Variants in LRRIQ1 observed in about 807,000 individuals in gnomAD.
The protein encoded by LRRIQ1 is leucine rich repeats and IQ motif containing 1, also known as leucine-rich repeat- and IQ domain-containing protein 1.
Under a neutral mutation model 211.9 loss-of-function variants are expected in LRRIQ1, and 210 were observed. The observed-to-expected ratio is 0.99, with a 90% CI of 0.89 to 1.11. The LOEUF (loss-of-function observed/expected upper bound fraction) is 1.11, where lower values mean the gene tolerates loss of function less well. LRRIQ1 is among the 50% of genes most tolerant of loss of function. LRRIQ1 has a pLI of 0.00. For synonymous variants in LRRIQ1, 699 were observed against 650.1 expected (o/e 1.08, Z -1.14); for missense variants, 2,136 against 1,939.5 (o/e 1.10, Z -1.90).
At chr12:85,180,261 C>G (rs140902750) in intron 24 of LRRIQ1, among the ~76,000 whole-genome samples, 2,746 of 151,936 alleles carry the variant, frequency 0.018, 31 homozygotes, top group Middle Eastern at 0.065. Flanking sequence ...TAACCATTGT[C>G]CCTTCATTTT....
At chr12:85,060,532 G>T (rs1304822647) in intron 8 of LRRIQ1, among the ~76,000 whole-genome samples, 2 of 151,742 alleles carry the variant, frequency 1.3e-5, no homozygotes, top group African/African-American at 4.8e-5. Context: ...TTAACTTTTA[G>T]ATCAAGAAGT....
At chr12:85,250,858 T>G (rs1306704719) in intron 1 of LRRIQ1, among the ~76,000 whole-genome samples, 5 of 109,560 alleles carry the variant, frequency 4.6e-5, no homozygotes, top group Non-Finnish European at 7.0e-5. Flanking sequence ...ATATAATATA[T>G]ATTATAGATT....
At chr12:85,261,161 G>A (rs1896274634) in intron 1 of LRRIQ1, among the ~76,000 whole-genome samples, 1 of 152,078 alleles carries the variant, frequency 6.6e-6, no homozygotes, top group Non-Finnish European at 1.5e-5. Context: ...ACAGACTAGT[G>A]TCTGTAGACA....
intron 15 of LRRIQ1, among the ~76,000 whole-genome samples, chr12:85,112,142 A>T (rs550169762): frequency 6.6e-6 from 1 of 152,044 alleles, no homozygotes; most frequent in African/African-American, 2.4e-5. Context: ...AGATGGAAAG[A>T]TTAAATAAAT....
chr12:85,102,959 A>AATATATATATATATATATATATATAT, intron 13 of LRRIQ1, among the ~76,000 whole-genome samples: 1 of 108,466 alleles, frequency 9.2e-6, no homozygotes, highest in African/African-American at 4.2e-5. Flanking sequence ...AAAAAAAAAA[A>AATATATATATATATATATATATATAT]ATATATATAT....
chr12:85,124,172 A>G lies in LRRIQ1; in HGVS notation c.3660A>G (p.Val1220=). Residue 1220 remains valine (V), a synonymous_variant, in exon 17 of 27, where the codon GTA becomes GTG. Transcript: ENST00000393217. ...EYRHAHERGD[V]TITKKDESEA... is the part of the protein sequence containing the mutation. ...GACATGCACACGAACGAGGGGATGTAACTATCACCAAGAAAGATGAATCAG... is the reference window on the plus strand; with the variant it reads ...GACATGCACACGAACGAGGGGATGTGACTATCACCAAGAAAGATGAATCAG... 5 of 1,614,114 alleles carry G rather than the reference A, an allele frequency of 3.1e-6. No homozygotes were observed. The highest frequency in any genetic ancestry group is 4.2e-6 in the Non-Finnish European group (5 of 1,179,998).
chr12:85,154,896 A>G (rs1297241113), intron 23 of LRRIQ1, among the ~76,000 whole-genome samples: 1 of 151,248 alleles, frequency 6.6e-6, no homozygotes, highest in Non-Finnish European at 1.5e-5. Flanking sequence ...CAATAAATGT[A>G]TACTTTTCCT....
intron 24 of LRRIQ1, among the ~76,000 whole-genome samples, chr12:85,208,010 C>T (rs1324682828): frequency 7.4e-6 from 1 of 135,318 alleles, no homozygotes; most frequent in East Asian, 2.0e-4. Context: ...ACTTTCCTCT[C>T]ATGTTCCTTT....
chr12:85,249,481 C>T (rs1239506608), downstream of LRRIQ1, among the ~76,000 whole-genome samples: 1 of 151,708 alleles, frequency 6.6e-6, no homozygotes, highest in East Asian at 1.9e-4. Context: ...TGTGTGAACT[C>T]AAGAACTATC....
intron 3 of LRRIQ1, among the ~76,000 whole-genome samples, chr12:85,042,478 TTTA>T (rs1446406453): frequency 1.3e-5 from 2 of 148,318 alleles, no homozygotes; most frequent in South Asian, 2.1e-4. Context: ...AATTATTAAA[TTTA>T]TTATCATCAT....
rs1227902980 is a variant in LRRIQ1, at chr12:85,192,953, A to G, written c.4822+32239A>G. Among the ~76,000 whole-genome samples the G allele has an allele frequency of 9.6e-3, 769 of 79,780 alleles. 4 individuals carry two copies. The highest frequency in any genetic ancestry group is 0.046 in the African/African-American group (723 of 15,680). 52.3% of individuals were successfully genotyped at this position (79,780 alleles called of 152,430 possible). ...TAATATAATTATATATAAATATATA[A>G]TTATATAATATAATTATATATAAAT... is the stretch of plus-strand genomic sequence containing the variant. On this transcript the variant is annotated intron_variant, in intron 24 of 26. Transcript: ENST00000393217.
intron 24 of LRRIQ1, among the ~76,000 whole-genome samples, chr12:85,168,752 C>T (rs926509018): frequency 6.6e-6 from 1 of 152,124 alleles, no homozygotes; most frequent in Non-Finnish European, 1.5e-5. Flanking sequence ...GTATTGTCAC[C>T]TATTTTGTAT....
Position 85,229,613 on chromosome 12 carries a change from G to T in LRRIQ1, c.4919G>T (p.Gly1640Val). The T allele has an allele frequency of 6.2e-7, 1 of 1,612,160 alleles. No individual in the cohort carries two copies. The highest frequency in any genetic ancestry group is 1.1e-5 in the South Asian group (1 of 90,764). ...YTYQWLHTQVGVHETTSSRNM... is the reference protein window; with the variant it reads ...YTYQWLHTQVVVHETTSSRNM... ...TACCAATGGCTTCACACACAGGTTG[G>T]GGTTCATGAAACGACTAGTTCCAGA... Residue 1640 changes from glycine (G) to valine (V), a missense_variant, in exon 25 of 27, where the codon GGG becomes GTG. By Grantham distance (109) the Gly-to-Val change is moderately radical (BLOSUM62 -3). Transcript: ENST00000393217.
intron 25 of LRRIQ1, 52 bp from the exon 26 acceptor site, chr12:85,232,644 G>T: frequency 2.8e-6 from 4 of 1,421,580 alleles, no homozygotes; most frequent in Non-Finnish European, 2.9e-6. Flanking sequence ...TCTTTTATAT[G>T]CTTCCTCTAC....
At chr12:85,227,232 T>C (rs1412355305) in intron 24 of LRRIQ1, among the ~76,000 whole-genome samples, 1 of 152,204 alleles carries the variant, frequency 6.6e-6, no homozygotes, top group Admixed American at 6.5e-5. Flanking sequence ...TGATCACCAT[T>C]CTAACTGGTG....
At chr12:85,164,041 T>A (rs1891033561) in intron 24 of LRRIQ1, among the ~76,000 whole-genome samples, 1 of 152,222 alleles carries the variant, frequency 6.6e-6, no homozygotes, top group African/African-American at 2.4e-5. Flanking sequence ...ATTTTATTTA[T>A]TTGTTTATTT....
At chr12:85,118,025 C>G (rs925583894) in intron 15 of LRRIQ1, among the ~76,000 whole-genome samples, 2 of 152,052 alleles carry the variant, frequency 1.3e-5, no homozygotes, top group African/African-American at 4.8e-5. Context: ...AGAAAGTAAC[C>G]TTTCTTTGTT....
chr12:85,165,977 G>A (rs959183409), intron 24 of LRRIQ1, among the ~76,000 whole-genome samples: 3 of 152,150 alleles, frequency 2.0e-5, no homozygotes, highest in Admixed American at 6.5e-5. Context: ...TTGCTGTGTC[G>A]AATGGTAGTT....
chr12:85,227,111 G>A (rs1409066543), intron 24 of LRRIQ1, among the ~76,000 whole-genome samples: 3 of 151,350 alleles, frequency 2.0e-5, no homozygotes, highest in Admixed American at 6.6e-5. Context: ...TTGAGGAATC[G>A]CCACACTGTC....
Sources: allele counts gnomAD v4.1 joint callset (sites outside exome capture counted in the v4.1 genomes callset), GRCh38; gene constraint gnomAD v4.1.1; transcripts MANE v1.5; gene names NCBI Gene and HGNC (gene_info 2026-07-23, HGNC 2026-07-21).